The following ASH1L variants were observed in gnomAD, a reference collection of about 807,000 sequenced individuals.
ASH1L encodes the protein histone-lysine N-methyltransferase ASH1L.
In ASH1L, 23 loss-of-function variants were observed where a neutral mutation model predicts 269.0. The observed-to-expected ratio is 0.09, with a 90% CI of 0.06 to 0.12. ASH1L has a LOEUF of 0.12. Ranked by LOEUF, ASH1L falls within the 10% of genes least tolerant of loss-of-function variation. The pLI, the probability that ASH1L is intolerant of heterozygous loss-of-function variation, is 1.00. For synonymous variants in ASH1L, 1,187 were observed against 1,253.5 expected (o/e 0.95, Z 1.12); for missense variants, 2,912 against 3,567.8 (o/e 0.82, Z 4.68).
chr1:155,513,031 C>T (rs1301241534), intron 2 of ASH1L, among the ~76,000 whole-genome samples: 2 of 151,674 alleles, frequency 1.3e-5, no homozygotes, highest in African/African-American at 4.8e-5. Context: ...CACTGCACTC[C>T]AACCTAGGCA....
chr1:155,533,316 T>C (rs1477569696), intron 1 of ASH1L, among the ~76,000 whole-genome samples: 1 of 152,080 alleles, frequency 6.6e-6, no homozygotes, highest in Non-Finnish European at 1.5e-5. Context: ...GTAGTTACTA[T>C]TATTATTCCC....
rs187941915 is a variant in ASH1L, at chr1:155,348,490, C to G, written c.7555-586G>C. Among the ~76,000 whole-genome samples, 62 of 152,150 alleles carry G rather than the reference C, an allele frequency of 4.1e-4. No homozygotes were observed. The Middle Eastern group carries it at 0.024, about 59-fold the overall frequency. ...TCTCTTCTATGCACCATACAATAGT[C>G]CATCCTGTCCTTTAAATCAGTTCAA... On this transcript the variant is annotated intron_variant, in intron 19 of 27. Transcript: ENST00000392403.
intron 5 of ASH1L, chr1:155,434,207 G>A (rs1385385200): frequency 5.6e-6 from 9 of 1,596,840 alleles, no homozygotes; most frequent in Non-Finnish European, 7.7e-6. Flanking sequence ...CCCTGAGGGG[G>A]AAGCCTTTCC....
chr1:155,429,238 C>T (rs1661423960), intron 5 of ASH1L, among the ~76,000 whole-genome samples: 1 of 152,100 alleles, frequency 6.6e-6, no homozygotes, highest in Non-Finnish European at 1.5e-5. Flanking sequence ...AAAGGTGAGA[C>T]ACAATAGTAT....
In ASH1L at chr1:155,392,340, T is replaced by C. The variant is rs543937176; in HGVS notation, c.6103+3119A>G. Among the ~76,000 whole-genome samples, 12 of 152,314 alleles carry C rather than the reference T, an allele frequency of 7.9e-5. No individual in the cohort carries two copies. The East Asian group carries it at 2.3e-3, about 29-fold the overall frequency. ...CTGCTAACTGGGACCTGGCCACAGA[T>C]AAAAAGAGCTATACAAGCGGGAAAT... On this transcript the variant is annotated intron_variant, in intron 7 of 27. Transcript: ENST00000392403.
rs1021245705 is a variant in ASH1L, at chr1:155,504,198, G to T, written c.420+16902C>A. On this transcript the variant is annotated intron_variant, in intron 2 of 27. Coordinates refer to ENST00000392403, the MANE Select transcript of ASH1L (RefSeq NM_018489.3). ...ATTATTTTCCCTTTCTTCTTGGAAG[G>T]TAATTCTTAATTGCTATATTTTTTA... 2.0e-5 allele frequency among the ~76,000 whole-genome samples: 3 copies of T among 152,114 alleles called. No homozygotes were observed. In the South Asian group the frequency reaches 6.2e-4, roughly 31 times the overall value.
Position 155,493,056 on chromosome 1 carries a change from A to T in ASH1L, c.421-10607T>A, listed in dbSNP as rs537558422. 2.6e-5 allele frequency among the ~76,000 whole-genome samples: 4 copies of T among 152,282 alleles called. No homozygotes were observed. The South Asian group carries it at 8.3e-4, about 32-fold the overall frequency. On this transcript the variant is annotated intron_variant, in intron 2 of 27. Transcript: ENST00000392403. Reference sequence around the variant, plus strand: ...GGTCTCGAACTCCTGAGCTCAAGTGATCTGGCTACCTCAGCCTCCCAAAGT... The same window carrying T: ...GGTCTCGAACTCCTGAGCTCAAGTGTTCTGGCTACCTCAGCCTCCCAAAGT...
At chr1:155,460,518 G>A (rs1165611217) in intron 3 of ASH1L, among the ~76,000 whole-genome samples, 3 of 152,182 alleles carry the variant, frequency 2.0e-5, no homozygotes, top group Non-Finnish European at 4.4e-5. Context: ...TGAGGCAGGA[G>A]AATCGCTTGA....
intron 3 of ASH1L, among the ~76,000 whole-genome samples, chr1:155,473,911 C>T (rs886433697): frequency 5.3e-5 from 8 of 152,182 alleles, no homozygotes; most frequent in African/African-American, 1.9e-4. Context: ...TTTCGGCTCA[C>T]TGCAACCTCT....
chr1:155,436,266 T>C lies in ASH1L; in HGVS notation c.5828+2061A>G, dbSNP rs1462317008. Among the ~76,000 whole-genome samples, 4 of 151,416 alleles carry C rather than the reference T, an allele frequency of 2.6e-5. No homozygotes were observed. The East Asian group carries it at 6.0e-4, about 23-fold the overall frequency. ...GTGTGATGGTGCAATCTCGGCTCAC[T>C]GCAACCTCTCCACCTCCCGTGTTCA... On this transcript the variant is annotated intron_variant, in intron 5 of 27. Transcript: ENST00000392403.
Position 155,479,166 on chromosome 1 carries a change from G to C in ASH1L, c.3704C>G (p.Pro1235Arg). The C allele has an allele frequency of 6.2e-7, 1 of 1,614,104 alleles. No homozygotes were observed. The highest frequency in any genetic ancestry group is 8.5e-7 in the Non-Finnish European group (1 of 1,180,006). The change falls in exon 3 of 28, where the codon CCT becomes CGT. Residue 1235 changes from proline (P) to arginine (R), a missense_variant. Around this residue, in one of 13 missense-constraint regions of ASH1L, gnomAD observed 789 missense variants for 897.6 expected, o/e 0.88. Coordinates refer to ENST00000392403, the MANE Select transcript of ASH1L (RefSeq NM_018489.3). Reference sequence around the variant, plus strand: ...ACTGCTTAGCACTGTAGAGGTTTCAGGGGGAATCAGAGAAACATGCTCAAA... The same window carrying C: ...ACTGCTTAGCACTGTAGAGGTTTCACGGGGAATCAGAGAAACATGCTCAAA... ...HSFEHVSLIP[P>R]ETSTVLSSLK...
chr1:155,364,082 C>T (rs1300721910), intron 12 of ASH1L, among the ~76,000 whole-genome samples: 2 of 151,928 alleles, frequency 1.3e-5, no homozygotes, highest in African/African-American at 2.4e-5. Flanking sequence ...TCGCTTGAGC[C>T]CAAGAGTTTG....
intron 3 of ASH1L, among the ~76,000 whole-genome samples, chr1:155,472,076 C>T (rs888332879): frequency 2.0e-5 from 3 of 152,066 alleles, no homozygotes; most frequent in Non-Finnish European, 4.4e-5. Context: ...GGTTCTCTTG[C>T]GGTCAGGAGT....
chr1:155,533,717 CAAAAAAAAAAAA>C (rs569067721), intron 1 of ASH1L, among the ~76,000 whole-genome samples: 2 of 79,706 alleles, frequency 2.5e-5, no homozygotes, highest in Non-Finnish European at 5.6e-5. Flanking sequence ...GACTCCGTCT[CAAAAAAAAAAAA>C]AAAAGAAAAG....
intron 1 of ASH1L, among the ~76,000 whole-genome samples, chr1:155,528,402 G>T (rs1170536333): frequency 6.6e-6 from 1 of 151,528 alleles, no homozygotes; most frequent in Admixed American, 6.6e-5. Flanking sequence ...AGATCCAAGT[G>T]ATGATAAATA....
intron 7 of ASH1L, among the ~76,000 whole-genome samples, chr1:155,390,074 A>T (rs889715923): frequency 6.6e-6 from 1 of 152,026 alleles, no homozygotes; most frequent in African/African-American, 2.4e-5. Flanking sequence ...TCTTCTTCCC[A>T]ATCTTAGGAG....
Position 155,505,019 on chromosome 1 carries a change from TAAAAAC to T in ASH1L, c.420+16075_420+16080del, listed in dbSNP as rs1198584159. On this transcript the variant is annotated intron_variant, in intron 2 of 27. Transcript: ENST00000392403. The stretch of plus-strand genomic sequence containing the variant: ...CTACTACAAAGTAGGACCACAAACT[TAAAAAC>T]AAACAAACAAACAAAAAACCAAAGA... 5.3e-5 allele frequency among the ~76,000 whole-genome samples: 8 copies of T among 152,126 alleles called. No homozygotes were observed. The East Asian group carries it at 1.5e-3, about 29-fold the overall frequency.
chr1:155,468,845 T>C (rs1258862551), intron 3 of ASH1L, among the ~76,000 whole-genome samples: 1 of 152,098 alleles, frequency 6.6e-6, no homozygotes, highest in Admixed American at 6.6e-5. Flanking sequence ...ACCTTTATAC[T>C]TCAAAAAGCA....
At chr1:155,402,179 A>G (rs1247308168) in intron 6 of ASH1L, among the ~76,000 whole-genome samples, 1 of 151,880 alleles carries the variant, frequency 6.6e-6, no homozygotes, top group Non-Finnish European at 1.5e-5. Flanking sequence ...CAAACATCAT[A>G]TCAGGGTTAA....
Sources: allele counts gnomAD v4.1 joint callset (sites outside exome capture counted in the v4.1 genomes callset), GRCh38; gene constraint gnomAD v4.1.1; regional missense constraint gnomAD v4.1.1; transcripts MANE v1.5; gene names NCBI Gene and HGNC (gene_info 2026-07-23, HGNC 2026-07-21).